The following DMGDH variants were observed in gnomAD, a reference collection of about 807,000 sequenced individuals.
The protein encoded by DMGDH is dimethylglycine dehydrogenase, mitochondrial.
Under a neutral mutation model 95.2 loss-of-function variants are expected in DMGDH, and 76 were observed. The observed-to-expected ratio is 0.80, with a 90% confidence interval of 0.66 to 0.97. The LOEUF is 0.97. Ranked by LOEUF, DMGDH falls within the 50% of genes least tolerant of loss-of-function variation. DMGDH has a pLI of 0.00. For synonymous variants in DMGDH, 345 were observed against 377.6 expected, an observed-to-expected ratio of 0.91 and a Z score of 1.00; for missense variants, 987 against 1,055.0, an observed-to-expected ratio of 0.94 and a Z score of 0.89.
intron 15 of DMGDH, among the ~76,000 whole-genome samples, chr5:79,002,603 C>G (rs1370494093): frequency 6.6e-6 from 1 of 152,164 alleles, no homozygotes; most frequent in Non-Finnish European, 1.5e-5. Flanking sequence ...CCTAGAATAT[C>G]GCTGGCATAT....
chr5:79,002,841 G>C (rs1753476403), intron 15 of DMGDH, among the ~76,000 whole-genome samples: 2 of 152,198 alleles, frequency 1.3e-5, no homozygotes, highest in African/African-American at 4.8e-5. Context: ...TATGTAAAAT[G>C]ATGACCTTAC....
Position 79,055,852 on chromosome 5 carries a change from A to G in DMGDH, c.333T>C (p.Asp111=), listed in dbSNP as rs770855462. 2 of 1,612,562 alleles carry G rather than the reference A, an allele frequency of 1.2e-6. No individual in the cohort carries two copies. The highest frequency in any genetic ancestry group is 1.7e-5 in the Admixed American group (1 of 60,004). ...PGINLKKIHY[D]SIKLYEKLEE... ...CCAGTTTCTCATAAAGTTTGATGCT[A>G]TCATAATGTATTTTCTTCAAGTTTA... is the stretch of plus-strand genomic sequence containing the variant. Residue 111 remains aspartate (D), a synonymous_variant, in exon 3 of 16, where the codon GAT becomes GAC. Transcript: ENST00000255189.
At chr5:79,038,986 T>C (rs1754425612) in intron 7 of DMGDH, among the ~76,000 whole-genome samples, 3 of 151,290 alleles carry the variant, frequency 2.0e-5, no homozygotes, top group African/African-American at 7.3e-5. Context: ...ATCAGAGAAA[T>C]GCAAATCAAA....
intron 4 of DMGDH, among the ~76,000 whole-genome samples, chr5:79,053,739 T>C (rs537927359): frequency 6.6e-6 from 1 of 152,294 alleles, no homozygotes; most frequent in African/African-American, 2.4e-5. Flanking sequence ...ACAGAGTCTG[T>C]AAGGGGAGTA....
chr5:79,022,224 C>T (rs1370127296), intron 14 of DMGDH, among the ~76,000 whole-genome samples: 1 of 152,124 alleles, frequency 6.6e-6, no homozygotes, highest in Non-Finnish European at 1.5e-5. Flanking sequence ...CCTATAGCAT[C>T]GATTTTCCGA....
At chr5:79,011,414 A>C (rs1753645183) in intron 14 of DMGDH, among the ~76,000 whole-genome samples, 1 of 152,234 alleles carries the variant, frequency 6.6e-6, no homozygotes, top group African/African-American at 2.4e-5. Flanking sequence ...AACATTCCAC[A>C]TAAGTTAACA....
intron 15 of DMGDH, among the ~76,000 whole-genome samples, chr5:79,003,311 G>A (rs1753485249): frequency 6.6e-6 from 1 of 152,212 alleles, no homozygotes; most frequent in Non-Finnish European, 1.5e-5. Flanking sequence ...CTGAGGCCCA[G>A]AGATCAGCTC....
rs1362726872 is a variant in DMGDH, at chr5:79,063,753, A to G, written c.136T>C (p.Trp46Arg). ...EKPPLSAETQWKDRAETVIIG... is the reference protein window; with the variant it reads ...EKPPLSAETQRKDRAETVIIG... Reference sequence around the variant, plus strand: ...ATCACTGTTTCTGCTCTGTCTTTCCATTGTGTTTCTGCAGATAAGGGTGGT... The same window carrying G: ...ATCACTGTTTCTGCTCTGTCTTTCCGTTGTGTTTCTGCAGATAAGGGTGGT... Residue 46 changes from tryptophan (W) to arginine (R), a missense_variant, in exon 2 of 16, where the codon TGG becomes CGG. Coordinates refer to ENST00000255189, the MANE Select transcript of DMGDH (RefSeq NM_013391.3). The G allele has an allele frequency of 4.3e-6, 7 of 1,614,086 alleles. No homozygotes were observed. Among genetic ancestry groups the G allele is most frequent in the Non-Finnish European group, 5.9e-6 (7 of 1,180,004 alleles).
intron 14 of DMGDH, among the ~76,000 whole-genome samples, chr5:79,015,294 C>G (rs1289786824): frequency 1.3e-5 from 2 of 152,208 alleles, no homozygotes; most frequent in Admixed American, 1.3e-4. Context: ...CATCCTATGG[C>G]CACTGCTTTA....
At chr5:79,068,864 C>A (rs642431) in intron 1 of DMGDH, among the ~76,000 whole-genome samples, 108,243 of 152,094 alleles carry the variant, frequency 0.71, 39,568 homozygotes, top group East Asian at 0.79. Flanking sequence ...ATGTGGGAAA[C>A]AGACACACAC....
At chr5:79,001,121 G>A in intron 15 of DMGDH, 1 of 582,816 alleles carries the variant, frequency 1.7e-6, no homozygotes, top group Non-Finnish European at 3.1e-6. Context: ...CCTCAGCCAT[G>A]TAGCCCTGGA....
At chr5:79,005,216 G>A in intron 15 of DMGDH, 57 bp downstream of exon 15, 20 of 1,608,592 alleles carry the variant, frequency 1.2e-5, no homozygotes, top group Non-Finnish European at 1.5e-5. Context: ...AGGAACAAGG[G>A]GAGTTTCTGT....
chr5:79,046,449 G>A (rs776594223), intron 5 of DMGDH, among the ~76,000 whole-genome samples: 11 of 151,928 alleles, frequency 7.2e-5, no homozygotes, highest in Non-Finnish European at 1.2e-4. Flanking sequence ...GTGTAGTGGC[G>A]CAATCATAAC....
intron 2 of DMGDH, among the ~76,000 whole-genome samples, chr5:79,062,560 A>C (rs900481776): frequency 6.6e-6 from 1 of 152,000 alleles, no homozygotes; most frequent in Non-Finnish European, 1.5e-5. Context: ...CCCATCCCTA[A>C]ATGATGTCAG....
chr5:79,021,512 A>T, intron 14 of DMGDH: 1 of 1,277,858 alleles, frequency 7.8e-7, no homozygotes, highest in Non-Finnish European at 1.0e-6. Context: ...AGCAAGGGCC[A>T]CTGCGCCGTC....
chr5:79,030,506 C>T (rs7716612), intron 10 of DMGDH: 87,131 of 287,850 alleles, frequency 0.3, 14,390 homozygotes, highest in African/African-American at 0.47. Flanking sequence ...ATTAGCTGGG[C>T]ATGGTGGCAC....
chr5:79,024,232 T>C (rs1753936498), intron 14 of DMGDH, 39 bp downstream of exon 14: 1 of 1,573,466 alleles, frequency 6.4e-7, no homozygotes, highest in Non-Finnish European at 8.7e-7. Context: ...ATCATAATGT[T>C]AAGATTTACT....
At chr5:79,060,318 C>T (rs1424013926) in intron 2 of DMGDH, among the ~76,000 whole-genome samples, 3 of 152,232 alleles carry the variant, frequency 2.0e-5, no homozygotes, top group Non-Finnish European at 4.4e-5. Context: ...TTCCTTCTTA[C>T]TCCATCCTCT....
intron 14 of DMGDH, among the ~76,000 whole-genome samples, chr5:79,006,773 G>A (rs1435879219): frequency 6.6e-6 from 1 of 152,018 alleles, no homozygotes; most frequent in Non-Finnish European, 1.5e-5. Context: ...GAAACATTTA[G>A]GACTGAGTGT....
Sources: allele counts gnomAD v4.1 joint callset (sites outside exome capture counted in the v4.1 genomes callset), GRCh38; gene constraint gnomAD v4.1.1; transcripts MANE v1.5; gene names NCBI Gene and HGNC (gene_info 2026-07-23, HGNC 2026-07-21).